ESRRG: variants seen among roughly 807,000 people sequenced by gnomAD.
ESRRG encodes the protein estrogen related receptor gamma, also known as estrogen-related receptor gamma.
In ESRRG, 13 loss-of-function variants were observed where a neutral mutation model predicts 44.0. The ratio of observed to expected loss-of-function variants is 0.30; its 90% confidence interval spans 0.19 to 0.47. ESRRG has a LOEUF of 0.47. ESRRG is among the 20% of genes least tolerant of loss of function. The pLI, the probability that ESRRG is intolerant of heterozygous loss-of-function variation, is 1.00. For synonymous variants in ESRRG, 215 were observed against 214.6 expected, an observed-to-expected ratio of 1.00 and a Z score of -0.02; for missense variants, 395 against 580.6, an observed-to-expected ratio of 0.68 and a Z score of 3.29.
intron 3 of ESRRG, among the ~76,000 whole-genome samples, chr1:216,579,212 T>C (rs1025995104): frequency 6.6e-6 from 1 of 152,150 alleles, no homozygotes; most frequent in African/African-American, 2.4e-5. Context: ...CAAAAGGCAT[T>C]ATATTTGGAC....
intron 2 of ESRRG, among the ~76,000 whole-genome samples, chr1:216,891,168 G>A (rs150707825): frequency 2.0e-5 from 3 of 152,240 alleles, no homozygotes; most frequent in South Asian, 4.2e-4. Context: ...GCTGTCTGCC[G>A]ACAGATTATA....
At chr1:216,588,583 A>G (rs2057090510) in intron 3 of ESRRG, among the ~76,000 whole-genome samples, 2 of 152,226 alleles carry the variant, frequency 1.3e-5, no homozygotes, top group Non-Finnish European at 2.9e-5. Context: ...TTCATAGATC[A>G]TCTTATTTAA....
intron 2 of ESRRG, among the ~76,000 whole-genome samples, chr1:216,849,737 C>T (rs2095812789): frequency 6.6e-6 from 1 of 152,060 alleles, no homozygotes; most frequent in Admixed American, 6.6e-5. Flanking sequence ...AAAATGTCAA[C>T]TACTTTAGTA....
chr1:216,786,697 G>A (rs1176640246), intron 2 of ESRRG, among the ~76,000 whole-genome samples: 2 of 152,168 alleles, frequency 1.3e-5, no homozygotes, highest in African/African-American at 4.8e-5. Context: ...GAGTACATAT[G>A]TGCTTTGCAC....
rs369791006 is a variant in ESRRG at position 216,677,386 on chromosome 1, G to A, written c.162C>T (p.Asn54=). Residue 54 remains asparagine, a synonymous_variant, in exon 2 of 7, where the codon AAC becomes AAT. Transcript: ENST00000408911. ...SSPASLTDSV[N]HHSPGGSSDA... is the part of the protein sequence containing the mutation. ...CTGAAGAGCCACCAGGGCTGTGGTG[G>A]TTGACGCTGTCCGTCAGGGAGGCTG... 1.3e-5 allele frequency: 21 copies of A among 1,614,056 alleles called. No homozygotes were observed. Among genetic ancestry groups the A allele is most frequent in the Admixed American group, 6.7e-5 (4 of 60,008 alleles).
intron 3 of ESRRG, among the ~76,000 whole-genome samples, chr1:216,576,667 A>G (rs570384074): frequency 6.6e-6 from 1 of 152,160 alleles, no homozygotes; most frequent in Admixed American, 6.6e-5. Context: ...ATCATGTGCT[A>G]AATTTATAAT....
rs145220273 is a variant in ESRRG at position 217,072,193 on chromosome 1, G to A, written c.-106+17314C>T. 2.8e-4 allele frequency among the ~76,000 whole-genome samples: 43 copies of A among 152,320 alleles called. No individual in the cohort carries two copies. The East Asian group carries it at 4.0e-3, about 14-fold the overall frequency. On this transcript the variant is annotated intron_variant, in intron 1 of 7. Transcript: ENST00000359162. ...CATCTGCAGTATGTGCATGTCACCC[G>A]TCAGCATCAGCATCTCTGTCATCAC...
chr1:216,715,215 G>C (rs2084583138), intron 1 of ESRRG: 7 of 985,386 alleles, frequency 7.1e-6, no homozygotes, highest in Non-Finnish European at 8.4e-6. Context: ...GTGACACTAT[G>C]ATCCCATGAC....
At chr1:217,122,380 C>G (rs958938723) in intron 1 of ESRRG, among the ~76,000 whole-genome samples, 1 of 152,074 alleles carries the variant, frequency 6.6e-6, no homozygotes, top group East Asian at 1.9e-4. Context: ...CATCCTGGCC[C>G]CACCTCCTAT....
At chr1:217,126,760 C>A (rs1251178661) in intron 1 of ESRRG, among the ~76,000 whole-genome samples, 3 of 152,100 alleles carry the variant, frequency 2.0e-5, no homozygotes, top group Non-Finnish European at 4.4e-5. Flanking sequence ...CATTGGAATA[C>A]ATGTAATGAT....
upstream of ESRRG, among the ~76,000 whole-genome samples, chr1:217,090,745 G>T (rs901821095): frequency 2.0e-5 from 3 of 152,292 alleles, no homozygotes; most frequent in African/African-American, 7.2e-5. Context: ...GGCCCACCAG[G>T]GGAGTCTGGA....
chr1:216,575,489 C>T (rs531837879), intron 3 of ESRRG, among the ~76,000 whole-genome samples: 17 of 152,144 alleles, frequency 1.1e-4, no homozygotes, highest in African/African-American at 3.4e-4. Context: ...AAATAGTGGC[C>T]GGTGACTAGC....
At chr1:216,683,061 T>C (rs1161682197) in intron 1 of ESRRG, among the ~76,000 whole-genome samples, 1 of 152,152 alleles carries the variant, frequency 6.6e-6, no homozygotes, top group Non-Finnish European at 1.5e-5. Flanking sequence ...ATGACTACTT[T>C]ACAGAGACAG....
At chr1:216,605,207 T>C (rs1316431772) in intron 3 of ESRRG, among the ~76,000 whole-genome samples, 3 of 152,230 alleles carry the variant, frequency 2.0e-5, no homozygotes, top group African/African-American at 7.2e-5. Flanking sequence ...AAAATAGTAC[T>C]ATGGCGTGTG....
chr1:216,523,726 C>T (rs879324173), intron 5 of ESRRG, among the ~76,000 whole-genome samples: 9 of 151,832 alleles, frequency 5.9e-5, no homozygotes, highest in Non-Finnish European at 7.4e-5. Context: ...ATTTTCTTCT[C>T]GGCTGCTTTC....
At chr1:216,861,504 A>G (rs189774971) in intron 2 of ESRRG, among the ~76,000 whole-genome samples, 1 of 152,164 alleles carries the variant, frequency 6.6e-6, no homozygotes, top group Admixed American at 6.5e-5. Context: ...TTATACGTCA[A>G]TTAAAAGTAC....
intron 1 of ESRRG, among the ~76,000 whole-genome samples, chr1:217,133,069 C>G (rs2092987742): frequency 6.6e-6 from 1 of 152,158 alleles, no homozygotes; most frequent in Non-Finnish European, 1.5e-5. Context: ...ACCCAGGGCT[C>G]TAGAGGTCAG....
intron 2 of ESRRG, among the ~76,000 whole-genome samples, chr1:216,812,381 A>G (rs1020063228): frequency 6.6e-6 from 1 of 152,174 alleles, no homozygotes; most frequent in Non-Finnish European, 1.5e-5. Flanking sequence ...TATCTGCACA[A>G]CCACTCAATG....
chr1:216,846,104 A>T (rs563182029), intron 2 of ESRRG, among the ~76,000 whole-genome samples: 2 of 152,272 alleles, frequency 1.3e-5, no homozygotes, highest in East Asian at 3.9e-4. Flanking sequence ...TTTAACCTAT[A>T]AATCCCTAAA....
Sources: allele counts gnomAD v4.1 joint callset (sites outside exome capture counted in the v4.1 genomes callset), GRCh38; gene constraint gnomAD v4.1.1; transcripts MANE v1.5; gene names NCBI Gene and HGNC (gene_info 2026-07-23, HGNC 2026-07-21).